NELFCD: variants seen among roughly 807,000 people sequenced by gnomAD.
The protein encoded by NELFCD is negative elongation factor complex member C/D.
Under a neutral mutation model 72.9 loss-of-function variants are expected in NELFCD, and 48 were observed. That is an observed-to-expected ratio of 0.66 (90% CI 0.52 to 0.84). NELFCD has a LOEUF of 0.84. Ranked by LOEUF, NELFCD falls within the 40% of genes least tolerant of loss-of-function variation. The pLI is 0.00. For missense variants in NELFCD, 538 were observed against 723.8 expected, an observed-to-expected ratio of 0.74 and a Z score of 2.94; for synonymous variants, 297 against 280.6, an observed-to-expected ratio of 1.06 and a Z score of -0.59.
chr20:58,987,679 A>G (rs761956399), intron 3 of NELFCD, 29 bp from the exon 4 acceptor site: 1 of 1,573,852 alleles, frequency 6.4e-7, no homozygotes, highest in East Asian at 2.2e-5. Flanking sequence ...ACAGCTTGCC[A>G]TTGTCTAGTT....
chr20:58,995,058 T>C lies in NELFCD; in HGVS notation c.*382T>C, dbSNP rs537921111. On this transcript the variant is annotated 3_prime_UTR_variant, in exon 15 of 15. Coordinates refer to ENST00000652272, the MANE Select transcript of NELFCD (RefSeq NM_198976.4). ...ACAAGAACCCAGTTAGCTGATGTTT[T>C]ATTGTAATTGTCTTAATTTGCTAAG... 8 of 213,420 alleles carry C rather than the reference T, an allele frequency of 3.7e-5. 1 individual carries two copies. In the South Asian group the frequency reaches 9.0e-4, roughly 24 times the overall value. 13.2% of individuals were successfully genotyped at this position (213,420 alleles called of 1,614,324 possible). A position where few individuals can be genotyped will look rare whatever the true frequency, so the allele number is the denominator to read the frequency against.
At chr20:58,981,467 C>G in intron 1 of NELFCD, 98 bp downstream of exon 1, 1 of 390,236 alleles carries the variant, frequency 2.6e-6, no homozygotes, top group Non-Finnish European at 3.6e-6. Flanking sequence ...CGCGAGGCTG[C>G]GGGCGTGCGG....
intron 10 of NELFCD, among the ~76,000 whole-genome samples, chr20:58,992,656 G>A (rs2091825617): frequency 6.6e-6 from 1 of 152,128 alleles, no homozygotes; most frequent in African/African-American, 2.4e-5. Context: ...AGCAATCTGG[G>A]AGGCCAAGGC....
In NELFCD at chr20:58,986,163, C is replaced by T; in HGVS notation, c.131C>T (p.Thr44Ile). 1.9e-6 allele frequency: 3 copies of T among 1,613,856 alleles called. No homozygotes were observed. Among genetic ancestry groups the T allele is most frequent in the Non-Finnish European group, 1.7e-6 (2 of 1,179,796 alleles). Residue 44 changes from threonine (T) to isoleucine (I), a missense_variant, in exon 2 of 15, where the codon ACC becomes ATC. Physicochemically the swap from Thr to Ile is moderately conservative, Grantham distance 89. Around this residue, in one of 3 missense-constraint regions of NELFCD, gnomAD observed 355 missense variants for 534.5 expected, o/e 0.66. Coordinates refer to ENST00000652272, the MANE Select transcript of NELFCD (RefSeq NM_198976.4). The surrounding 1 kb of genome is among the most constrained non-coding windows in gnomAD (Gnocchi z 4.4). ...VQQECLHKFS[T>I]RDYIMEPSIF... is the part of the protein sequence containing the mutation. ...CAAGAATGCCTGCATAAATTTTCCA[C>T]CCGGGATTATATCATGGAACCCTCC... is the stretch of plus-strand genomic sequence containing the variant.
At position 58,993,131 on chromosome 20, in the gene NELFCD, GT is replaced by G; in HGVS notation, c.1344+21del. On this transcript the variant is annotated intron_variant, in intron 11 of 14. Coordinates refer to ENST00000652272, the MANE Select transcript of NELFCD (RefSeq NM_198976.4). The surrounding 1 kb of genome is among the most constrained non-coding windows in gnomAD (Gnocchi z 5.0). The stretch of plus-strand genomic sequence containing the variant: ...GGATGAGGTAAGAGGGCGGAGAGCT[GT>G]TCACAGCCTACACAGTGTCTGTCTC... The G allele has an allele frequency of 6.4e-7, 1 of 1,551,886 alleles. No individual in the cohort carries two copies. The highest frequency in any genetic ancestry group is 8.9e-7 in the Non-Finnish European group (1 of 1,123,266).
rs2146356460 is a variant in NELFCD, at chr20:58,993,447, A to G, written c.1345-2A>G. 1 of 1,613,370 alleles carries G rather than the reference A, an allele frequency of 6.2e-7. No individual in the cohort carries two copies. Among genetic ancestry groups the G allele is most frequent in the South Asian group, 1.1e-5 (1 of 91,034 alleles). Reference sequence around the variant, plus strand: ...GCGAAGCTCCCTCTGGCCTGTTTGTAGATCAGCACCTGCCACCAGCTCCTG... The same window carrying G: ...GCGAAGCTCCCTCTGGCCTGTTTGTGGATCAGCACCTGCCACCAGCTCCTG... On this transcript the variant is annotated splice_acceptor_variant, in intron 11 of 14. Coordinates refer to ENST00000652272, the MANE Select transcript of NELFCD (RefSeq NM_198976.4). LOFTEE classifies it high-confidence loss of function. This position sits in a 1 kb window ranked among gnomAD's most constrained non-coding sequence, Gnocchi z 5.0.
At position 58,993,493 on chromosome 20, in the gene NELFCD, G is replaced by C; in HGVS notation, c.1389G>C (p.Leu463=). The C allele has an allele frequency of 6.2e-7, 1 of 1,614,182 alleles. No individual in the cohort carries two copies. Among genetic ancestry groups the C allele is most frequent in the Non-Finnish European group, 8.5e-7 (1 of 1,180,044 alleles). ...TCCTGCACCCCCAGGTCCTGCAGCT[G>C]CTTGTTAAGCTTTTTGAGACTGAGC... ...HQLLHPQVLQ[L]LVKLFETEHS... The change falls in exon 12 of 15, where the codon CTG becomes CTC. Residue 463 remains leucine (L), a synonymous_variant. Transcript: ENST00000652272. The surrounding 1 kb of genome is among the most constrained non-coding windows in gnomAD (Gnocchi z 5.0).
At chr20:58,992,958 T>A (rs1024278535) in intron 10 of NELFCD, 40 bp from the exon 11 acceptor site, 1 of 1,433,308 alleles carries the variant, frequency 7.0e-7, no homozygotes. Flanking sequence ...TTTTGTGTTT[T>A]AAATTGTTTT....
rs1336852669 is a variant in NELFCD at position 58,986,047 on chromosome 20, T to A, written c.61-46T>A. 1 of 1,252,324 alleles carries A rather than the reference T, an allele frequency of 8.0e-7. No individual in the cohort carries two copies. Among genetic ancestry groups the A allele is most frequent in the Non-Finnish European group, 1.2e-6 (1 of 849,458 alleles). The allele number at this position is 1,252,324 out of a possible 1,614,324, so 77.6% of individuals were successfully genotyped here. A position where few individuals can be genotyped will look rare whatever the true frequency, so the allele number is the denominator to read the frequency against. ...ACGATTTAAGGTGAGATTAGGGTAT[T>A]TGTATTAATGAAAAAAATATCCTGG... On this transcript the variant is annotated intron_variant, in intron 1 of 14. Transcript: ENST00000652272. This position sits in a 1 kb window ranked among gnomAD's most constrained non-coding sequence, Gnocchi z 4.4.
chr20:58,990,319 G>A (rs2146353522), intron 7 of NELFCD: 1 of 252,980 alleles, frequency 4.0e-6, no homozygotes, highest in Middle Eastern at 1.5e-3. Flanking sequence ...AGAATCGCTT[G>A]AACCTGGGAG....
chr20:58,983,232 G>T (rs941703031), intron 1 of NELFCD, among the ~76,000 whole-genome samples: 1 of 151,552 alleles, frequency 6.6e-6, no homozygotes, highest in Non-Finnish European at 1.5e-5. Context: ...CATCTCCTGG[G>T]TTCAAGCAAT....
chr20:58,987,047 C>G (rs2273359), intron 3 of NELFCD, 184 bp downstream of exon 3: 22,873 of 535,328 alleles, frequency 0.043, 569 homozygotes, highest in South Asian at 0.086. Flanking sequence ...CTGCTTGCCT[C>G]TTATCTTTGA....
chr20:58,994,622 C>T lies in NELFCD; in HGVS notation c.1712-20C>T, dbSNP rs2091845639. On this transcript the variant is annotated intron_variant, in intron 14 of 14. Coordinates refer to ENST00000652272, the MANE Select transcript of NELFCD (RefSeq NM_198976.4). ...TTCTACTTCCTGTTTCTAACACAGTCACTGTTTTCCTCGTTAAAGCTCACT... is the reference window on the plus strand; with the variant it reads ...TTCTACTTCCTGTTTCTAACACAGTTACTGTTTTCCTCGTTAAAGCTCACT... The T allele has an allele frequency of 1.3e-6, 2 of 1,575,102 alleles. No individual in the cohort carries two copies. The highest frequency in any genetic ancestry group is 1.7e-4 in the Middle Eastern group (1 of 6,002).
chr20:58,989,949 G>A lies in NELFCD; in HGVS notation c.749G>A (p.Arg250His), dbSNP rs770356436. 9.3e-6 allele frequency: 15 copies of A among 1,613,766 alleles called. No homozygotes were observed. The highest frequency in any genetic ancestry group is 1.1e-5 in the Non-Finnish European group (13 of 1,180,040). Residue 250 changes from arginine to histidine, a missense_variant, in exon 7 of 15, where the codon CGC becomes CAC. Physicochemically the swap from Arg to His is conservative, Grantham distance 29. Transcript: ENST00000652272. Reference protein sequence around the residue: ...AQEEQGGSAVRRIAQEVQRFA... With the variant: ...AQEEQGGSAVHRIAQEVQRFA... ...GAGGAGCAGGGGGGCTCCGCTGTGC[G>A]CAGGATCGCCCAGGAAGTGCAGCGC... is the stretch of plus-strand genomic sequence containing the variant.
At position 58,993,074 on chromosome 20, in the gene NELFCD, A is replaced by G; in HGVS notation, c.1306A>G (p.Thr436Ala). Residue 436 changes from threonine (T) to alanine (A), a missense_variant, in exon 11 of 15, where the codon ACT becomes GCT. By Grantham distance (58) the Thr-to-Ala change is moderately conservative. Transcript: ENST00000652272. This position sits in a 1 kb window ranked among gnomAD's most constrained non-coding sequence, Gnocchi z 5.0. ...AGAACCAAGGTACTTTCAGCTGCAG[A>G]CTGACCATACCCCTGTCCACCTGGC... Reference protein sequence around the residue: ...VSEPRYFQLQTDHTPVHLALL... With the variant: ...VSEPRYFQLQADHTPVHLALL... 6.2e-7 allele frequency: 1 copy of G among 1,614,174 alleles called. No individual in the cohort carries two copies. The highest frequency in any genetic ancestry group is 8.5e-7 in the Non-Finnish European group (1 of 1,180,028).
At position 58,986,511 on chromosome 20, in the gene NELFCD, GTT is replaced by G; in HGVS notation, c.177-239_177-238del. ...TCTGCCATCATGCCTGGCTATTTTT[GTT>G]TTTGTTTTTTGGGAGAGACAGGGCT... On this transcript the variant is annotated intron_variant, in intron 2 of 14. Transcript: ENST00000652272. The surrounding 1 kb of genome is among the most constrained non-coding windows in gnomAD (Gnocchi z 4.4). 4 of 557,316 alleles carry G rather than the reference GTT, an allele frequency of 7.2e-6. No homozygotes were observed. The highest frequency in any genetic ancestry group is 1.3e-5 in the Non-Finnish European group (4 of 317,856). The allele number at this position is 557,316 out of a possible 1,614,324, so 34.5% of individuals were successfully genotyped here. A position where few individuals can be genotyped will look rare whatever the true frequency, so the allele number is the denominator to read the frequency against.
In NELFCD at chr20:58,991,221, G is replaced by T. The variant is rs978578593; in HGVS notation, c.955-91G>T. ...TCACACTCTCTGCCTGGAGCCTGTT[G>T]GGCCCCTGCTGTGTAGGGAACCCTG... On this transcript the variant is annotated intron_variant, in intron 8 of 14. Transcript: ENST00000652272. 12 of 1,576,210 alleles carry T rather than the reference G, an allele frequency of 7.6e-6. No homozygotes were observed. In the African/African-American group the frequency reaches 1.5e-4, roughly 20 times the overall value.
At position 58,991,411 on chromosome 20, in the gene NELFCD, GCGT is replaced by G; in HGVS notation, c.1055_1057del (p.Ala352_Tyr353delinsAsp). ...CAAGCACAAATACATCCACATCTTG[GCGT>G]ACGCAGCAAGCGTGGTTGAGACCTG... On this transcript the variant is annotated inframe_deletion, in exon 9 of 15. Transcript: ENST00000652272. 6.2e-7 allele frequency: 1 copy of G among 1,614,254 alleles called. No individual in the cohort carries two copies. The highest frequency in any genetic ancestry group is 1.1e-5 in the South Asian group (1 of 91,090).
intron 5 of NELFCD, 110 bp downstream of exon 5, chr20:58,989,131 T>C (rs2091794396): frequency 7.8e-6 from 6 of 773,408 alleles, no homozygotes; most frequent in South Asian, 5.0e-5. Flanking sequence ...TAAAGGTCTT[T>C]ATTGTTTTAT....
Sources: allele counts gnomAD v4.1 joint callset (sites outside exome capture counted in the v4.1 genomes callset), GRCh38; gene constraint gnomAD v4.1.1; regional missense constraint gnomAD v4.1.1; non-coding constraint Gnocchi (gnomAD v3.1); transcripts MANE v1.5; gene names NCBI Gene and HGNC (gene_info 2026-07-23, HGNC 2026-07-21).